Variants in NLK observed in about 807,000 individuals in gnomAD.
NLK encodes serine/threonine-protein kinase NLK.
In NLK, 11 loss-of-function variants were observed where a neutral mutation model predicts 59.0. That is an observed-to-expected ratio of 0.19 (90% CI 0.12 to 0.31). NLK has a LOEUF of 0.31. Ranked by LOEUF, NLK falls within the 10% of genes least tolerant of loss-of-function variation. The pLI is 1.00. For missense variants in NLK, 410 were observed against 661.1 expected, an observed-to-expected ratio of 0.62 and a Z score of 4.16; for synonymous variants, 235 against 235.9, an observed-to-expected ratio of 1.00 and a Z score of 0.03.
intron 2 of NLK, among the ~76,000 whole-genome samples, chr17:28,131,841 C>T (rs1906531907): frequency 6.6e-6 from 1 of 152,098 alleles, no homozygotes; most frequent in South Asian, 2.1e-4. Context: ...GACTTCTTTT[C>T]TTACAAGAAT....
intron 1 of NLK, among the ~76,000 whole-genome samples, chr17:28,092,145 G>T (rs1904516641): frequency 6.6e-6 from 1 of 151,628 alleles, no homozygotes; most frequent in African/African-American, 2.4e-5. Flanking sequence ...ATTTCTAATG[G>T]TAAGAAGTAA....
chr17:28,161,157 A>G lies in NLK; in HGVS notation c.645-3A>G. The G allele has an allele frequency of 1.3e-6, 2 of 1,564,624 alleles. No homozygotes were observed. Among genetic ancestry groups the G allele is most frequent in the East Asian group, 2.2e-5 (1 of 44,638 alleles). ...CGAACTCTCCTTAACTTAAAACTTC[A>G]AGATATGTTGTCACAGAATTGATGC... On this transcript the variant is annotated splice_polypyrimidine_tract_variant and splice_region_variant and intron_variant, in intron 3 of 10. Transcript: ENST00000407008.
intron 8 of NLK, among the ~76,000 whole-genome samples, chr17:28,185,799 A>G (rs998634724): frequency 7.2e-5 from 11 of 152,154 alleles, no homozygotes; most frequent in African/African-American, 2.7e-4. Context: ...CAGCCCCGCA[A>G]AGTGCTGGGA....
At chr17:28,162,926 A>G (rs370324883) in intron 4 of NLK, among the ~76,000 whole-genome samples, 2 of 151,722 alleles carry the variant, frequency 1.3e-5, no homozygotes, top group South Asian at 4.1e-4. Flanking sequence ...CTCAAAAAAA[A>G]AAAAGAAAAG....
chr17:28,085,063 ATGTAGAGGAC>A (rs1176914594), intron 1 of NLK, among the ~76,000 whole-genome samples: 5 of 152,356 alleles, frequency 3.3e-5, no homozygotes, highest in African/African-American at 9.6e-5. Flanking sequence ...TAAAAACTGT[ATGTAGAGGAC>A]TGTTTATTTG....
chr17:28,157,756 T>C (rs1907835661), intron 3 of NLK, among the ~76,000 whole-genome samples: 2 of 152,218 alleles, frequency 1.3e-5, no homozygotes, highest in Admixed American at 1.3e-4. Flanking sequence ...TAACCGTAGG[T>C]AGGTTGTCTT....
chr17:28,132,846 T>C (rs1906576791), intron 3 of NLK, among the ~76,000 whole-genome samples, 171 bp downstream of exon 3: 1 of 152,198 alleles, frequency 6.6e-6, no homozygotes, highest in African/African-American at 2.4e-5. Context: ...CAGAGCTCAG[T>C]ATTATCAACA....
intron 3 of NLK, among the ~76,000 whole-genome samples, chr17:28,157,853 T>C (rs1487441007): frequency 6.6e-6 from 1 of 151,682 alleles, no homozygotes; most frequent in Non-Finnish European, 1.5e-5. Flanking sequence ...GATTATCTAT[T>C]TAAAATACTT....
rs188286452 is a variant in NLK, at chr17:28,129,322, G to A, written c.589-3298G>A. ...ACAAAAGTTAGCCGGGCATGGTGGC[G>A]CATGCCCGTAGTCCCAGCTACTTGG... is the stretch of plus-strand genomic sequence containing the variant. On this transcript the variant is annotated intron_variant, in intron 2 of 10. Transcript: ENST00000407008. 7.9e-5 allele frequency among the ~76,000 whole-genome samples: 12 copies of A among 152,160 alleles called. No individual in the cohort carries two copies. In the East Asian group the frequency reaches 2.3e-3, roughly 30 times the overall value.
chr17:28,164,079 G>T (rs1246944224), intron 5 of NLK, among the ~76,000 whole-genome samples: 10 of 152,124 alleles, frequency 6.6e-5, no homozygotes, highest in Non-Finnish European at 1.3e-4. Flanking sequence ...ATTTAAAAGG[G>T]ATAGTGCTGG....
chr17:28,115,208 G>A (rs528728297), intron 1 of NLK, among the ~76,000 whole-genome samples: 1 of 151,992 alleles, frequency 6.6e-6, no homozygotes, highest in Non-Finnish European at 1.5e-5. Flanking sequence ...CAGACAGGAA[G>A]CCCATAGGAG....
At chr17:28,153,002 A>C (rs761519339) in intron 3 of NLK, among the ~76,000 whole-genome samples, 1 of 151,560 alleles carries the variant, frequency 6.6e-6, no homozygotes, top group East Asian at 1.9e-4. Flanking sequence ...GGCCAGGCAC[A>C]GTGGCTCATG....
chr17:28,108,863 A>G (rs1471432317), intron 1 of NLK, among the ~76,000 whole-genome samples: 1 of 152,172 alleles, frequency 6.6e-6, no homozygotes, highest in Admixed American at 6.5e-5. Context: ...GACATAGGGA[A>G]TCAATCTACA....
intron 2 of NLK, among the ~76,000 whole-genome samples, chr17:28,122,944 A>T (rs190414944): frequency 9.2e-5 from 14 of 152,316 alleles, no homozygotes; most frequent in African/African-American, 3.4e-4. Context: ...TTATTGAAAG[A>T]GATGCACACA....
At chr17:28,092,306 A>G (rs1904525492) in intron 1 of NLK, among the ~76,000 whole-genome samples, 1 of 152,200 alleles carries the variant, frequency 6.6e-6, no homozygotes, top group South Asian at 2.1e-4. Context: ...AAGCCTACTC[A>G]GCATTTTCAT....
At chr17:28,114,971 A>G (rs1168315291) in intron 1 of NLK, among the ~76,000 whole-genome samples, 1 of 152,192 alleles carries the variant, frequency 6.6e-6, no homozygotes, top group African/African-American at 2.4e-5. Flanking sequence ...TTTCCACCCC[A>G]CAGCAGGAAG....
intron 8 of NLK, among the ~76,000 whole-genome samples, chr17:28,189,547 T>G (rs1016921291): frequency 2.6e-5 from 4 of 152,160 alleles, no homozygotes; most frequent in Admixed American, 2.6e-4. Flanking sequence ...AACAGAAGGA[T>G]AAACCGTTGA....
the NLK span, among the ~76,000 whole-genome samples, chr17:28,203,160 T>TACAC: frequency 3.3e-4 from 42 of 127,144 alleles, 1 homozygote; most frequent in African/African-American, 1.3e-3. Flanking sequence ...TGTATATACA[T>TACAC]ACATACACAC....
At chr17:28,156,772 C>T (rs960737587) in intron 3 of NLK, among the ~76,000 whole-genome samples, 1 of 152,118 alleles carries the variant, frequency 6.6e-6, no homozygotes, top group Non-Finnish European at 1.5e-5. Flanking sequence ...CAGTGGTGTG[C>T]ATATCACAAA....
Sources: gnomAD v4.1 joint callset for allele counts (sites outside exome capture counted in the v4.1 genomes callset) on GRCh38, gnomAD v4.1.1 for gene constraint, MANE v1.5 for transcripts, NCBI Gene and HGNC (gene_info 2026-07-23, HGNC 2026-07-21) for gene names.